Variants in TSFM observed in about 807,000 individuals in gnomAD.
TSFM encodes Ts translation elongation factor, mitochondrial, also known as elongation factor Ts, mitochondrial.
A neutral mutation model predicts 33.4 loss-of-function variants in TSFM; 29 were observed. The ratio of observed to expected loss-of-function variants is 0.87; its 90% confidence interval spans 0.65 to 1.18. TSFM has a LOEUF of 1.18. Among genes scored for constraint, TSFM ranks in the 50% most tolerant of loss-of-function variants. TSFM has a pLI of 0.00. For missense variants in TSFM, 394 were observed against 395.6 expected, an observed-to-expected ratio of 1.00 and a Z score of 0.04; for synonymous variants, 178 against 163.5, an observed-to-expected ratio of 1.09 and a Z score of -0.68.
At chr12:57,787,292 A>G (rs1380412508) in intron 4 of TSFM, 130 bp downstream of exon 4, 2 of 987,494 alleles carry the variant, frequency 2.0e-6, no homozygotes, top group East Asian at 2.8e-5. Flanking sequence ...ATCTCTTTGC[A>G]TAGAATTACC....
chr12:57,784,653 C>T (rs1001993729), intron 2 of TSFM, among the ~76,000 whole-genome samples: 8 of 151,710 alleles, frequency 5.3e-5, no homozygotes, highest in East Asian at 1.9e-4. Flanking sequence ...CTGAGGCAAG[C>T]GGATCACCTG....
rs1213998410 is a variant in TSFM at position 57,793,000 on chromosome 12, C to T, written c.498C>T (p.Ser166=). The T allele has an allele frequency of 3.1e-6, 5 of 1,613,690 alleles. No homozygotes were observed. In the African/African-American group the frequency reaches 4.0e-5, roughly 13 times the overall value. Residue 166 remains serine (S), a synonymous_variant, in exon 5 of 6, where the codon TCC becomes TCT. Coordinates refer to ENST00000652027, the MANE Select transcript of TSFM (RefSeq NM_005726.6). ...PSAYSKGFLN[S]SELSGLPAGP... The stretch of plus-strand genomic sequence containing the variant: ...CGTGCACTTAGGGTTTCTTGAATTC[C>T]TCTGAGCTTTCTGGACTTCCAGCTG...
At chr12:57,800,185 G>A, downstream of TSFM, 1 of 348,478 alleles carries the variant, frequency 2.9e-6, no homozygotes, top group Non-Finnish European at 5.3e-6. Flanking sequence ...TACATCTTGT[G>A]TCTGGATCTC....
At position 57,797,386 on chromosome 12, in the gene TSFM, A is replaced by T. The variant is rs761171357; in HGVS notation, c.*803A>T. 2.0e-6 allele frequency: 2 copies of T among 985,316 alleles called. No homozygotes were observed. Among genetic ancestry groups the T allele is most frequent in the African/African-American group, 3.5e-5 (2 of 57,240 alleles). The allele number at this position is 985,316 out of a possible 1,614,324, so 61.0% of individuals were successfully genotyped here. ...CTGAAAATAACTCCATTTGTTCATT[A>T]TAGGTATCTTTATTTGAAAAGTGAA... On this transcript the variant is annotated 3_prime_UTR_variant, in exon 6 of 6. Transcript: ENST00000652027.
intron 2 of TSFM, chr12:57,784,031 C>T (rs569154336): frequency 4.3e-6 from 3 of 702,932 alleles, no homozygotes; most frequent in African/African-American, 3.5e-5. Context: ...TTGGCTTATG[C>T]ACATCATAGA....
chr12:57,801,376 T>C, downstream of TSFM: 1 of 553,032 alleles, frequency 1.8e-6, no homozygotes, highest in Non-Finnish European at 3.2e-6. Context: ...CATGCAGGCT[T>C]GAAAGGTGCT....
At chr12:57,783,307 G>A (rs770647135) in intron 2 of TSFM, 24 bp downstream of exon 2, 2 of 1,613,502 alleles carry the variant, frequency 1.2e-6, no homozygotes, top group South Asian at 2.2e-5. Context: ...GGGGTGCAGG[G>A]CGGAGTACTA....
At chr12:57,790,665 T>A (rs934372315) in intron 4 of TSFM, among the ~76,000 whole-genome samples, 13 of 140,548 alleles carry the variant, frequency 9.2e-5, no homozygotes, top group Non-Finnish European at 2.1e-4. Context: ...GTTATTTGGA[T>A]TTTTTTTTTC....
At chr12:57,782,994 C>T (rs1955533133) in intron 1 of TSFM, 116 bp from the exon 2 acceptor site, 2 of 1,472,466 alleles carry the variant, frequency 1.4e-6, no homozygotes, top group Non-Finnish European at 1.8e-6. Flanking sequence ...AGTCCAGCCC[C>T]GGTGCACCCC....
At chr12:57,799,924 G>A (rs772562948), downstream of TSFM, 6 of 1,614,078 alleles carry the variant, frequency 3.7e-6, no homozygotes, top group East Asian at 1.3e-4. Context: ...TCATGTCCTA[G>A]GTAAGATAAG....
rs1273112004 is a variant in TSFM at position 57,796,844 on chromosome 12, A to G, written c.*261A>G. ...CAACAATACTGCTGCTCCCTTCAAC[A>G]TAGATTTATTATGGTATTTCTGAAA... On this transcript the variant is annotated 3_prime_UTR_variant, in exon 6 of 6. Coordinates refer to ENST00000652027, the MANE Select transcript of TSFM (RefSeq NM_005726.6). The G allele has an allele frequency of 9.8e-6, 11 of 1,119,434 alleles. No individual in the cohort carries two copies. Among genetic ancestry groups the G allele is most frequent in the Non-Finnish European group, 1.2e-5 (11 of 918,668 alleles). 69.3% of individuals were successfully genotyped at this position (1,119,434 alleles called of 1,614,324 possible). A position where few individuals can be genotyped will look rare whatever the true frequency, so the allele number is the denominator to read the frequency against.
intron 3 of TSFM, 110 bp downstream of exon 3, chr12:57,786,401 T>C: frequency 7.6e-7 from 1 of 1,324,246 alleles, no homozygotes; most frequent in Non-Finnish European, 1.0e-6. Flanking sequence ...TTAAGAACCA[T>C]AAAGCGTAGT....
Position 57,796,203 on chromosome 12 carries a change from A to G in TSFM, c.598A>G (p.Lys200Glu). The change falls in exon 6 of 6, where the codon AAA becomes GAA. Residue 200 changes from lysine to glutamate, a missense_variant. Around this residue, in one of 3 missense-constraint regions of TSFM, gnomAD observed 186 missense variants for 198.8 expected, o/e 0.94. Coordinates refer to ENST00000652027, the MANE Select transcript of TSFM (RefSeq NM_005726.6). ...IGKLGENMIL[K>E]RAAWVKVPSG... ...AAAACTGGGAGAAAACATGATTCTT[A>G]AACGAGCTGCATGGGTGAAGGTGCC... 1 of 1,583,572 alleles carries G rather than the reference A, an allele frequency of 6.3e-7. No individual in the cohort carries two copies. Among genetic ancestry groups the G allele is most frequent in the Non-Finnish European group, 8.6e-7 (1 of 1,164,728 alleles).
chr12:57,796,031 A>G lies in TSFM; in HGVS notation c.572-146A>G, dbSNP rs183899288. ...CCTTTTCCTCTTTCTACAAAAACTGAAAATGGTATCTCTTCATCTTACTGC... is the reference window on the plus strand; with the variant it reads ...CCTTTTCCTCTTTCTACAAAAACTGGAAATGGTATCTCTTCATCTTACTGC... On this transcript the variant is annotated intron_variant, in intron 5 of 5. Transcript: ENST00000652027. 2.3e-4 allele frequency: 157 copies of G among 696,638 alleles called. No homozygotes were observed. In the African/African-American group the frequency reaches 2.7e-3, roughly 12 times the overall value. 43.2% of individuals were successfully genotyped at this position (696,638 alleles called of 1,614,324 possible).
At chr12:57,793,111 G>A in intron 5 of TSFM, 38 bp downstream of exon 5, 1 of 1,543,746 alleles carries the variant, frequency 6.5e-7, no homozygotes, top group Non-Finnish European at 8.9e-7. Context: ...TGGAAATTAG[G>A]GACTGGATCT....
At chr12:57,795,999 C>T (rs1375761642) in intron 5 of TSFM, among the ~76,000 whole-genome samples, 178 bp from the exon 6 acceptor site, 1 of 152,176 alleles carries the variant, frequency 6.6e-6, no homozygotes, top group Non-Finnish European at 1.5e-5. Flanking sequence ...CTCTCCTGCC[C>T]CATACCCCTT....
downstream of TSFM, chr12:57,801,367 A>G (rs1955844673): frequency 1.7e-6 from 1 of 584,266 alleles, no homozygotes; most frequent in Non-Finnish European, 3.0e-6. Flanking sequence ...TTTTGGGTCC[A>G]TGCAGGCTTG....
rs773572404 is a variant in TSFM at position 57,782,813 on chromosome 12, G to T, written c.12G>T (p.Leu4=). ...TCGCGGCTAGAGAGATGTCGCTGCT[G>T]CGGTCGCTGCGCGTGTTTCTGGTCG... is the stretch of plus-strand genomic sequence containing the variant. The part of the protein sequence containing the change: MSL[L]RSLRVFLVAR... Residue 4 remains leucine, a synonymous_variant, in exon 1 of 6, where the codon CTG becomes CTT. Coordinates refer to ENST00000652027, the MANE Select transcript of TSFM (RefSeq NM_005726.6). 1.4e-5 allele frequency: 23 copies of T among 1,592,612 alleles called. No individual in the cohort carries two copies. The highest frequency in any genetic ancestry group is 1.4e-4 in the Admixed American group (8 of 56,832).
intron 4 of TSFM, among the ~76,000 whole-genome samples, chr12:57,790,609 C>T (rs991525674): frequency 7.9e-5 from 12 of 151,880 alleles, no homozygotes; most frequent in Admixed American, 4.6e-4. Context: ...ATTTGTAGTT[C>T]TTTTTGTCTT....
Sources: allele counts gnomAD v4.1 joint callset (sites outside exome capture counted in the v4.1 genomes callset), GRCh38; gene constraint gnomAD v4.1.1; regional missense constraint gnomAD v4.1.1; transcripts MANE v1.5; gene names NCBI Gene and HGNC (gene_info 2026-07-23, HGNC 2026-07-21).